Variants in ADAMTS19 observed in about 807,000 individuals in gnomAD.
ADAMTS19 encodes ADAM metallopeptidase with thrombospondin type 1 motif 19.
A neutral mutation model predicts 153.3 loss-of-function variants in ADAMTS19; 93 were observed. That is an observed-to-expected ratio of 0.61 (90% CI 0.51 to 0.72). ADAMTS19 has a LOEUF of 0.72. Among genes scored for constraint, ADAMTS19 ranks in the 30% least tolerant of loss-of-function variants. The probability of loss-of-function intolerance (pLI) is 0.00; values close to 1 mark genes in which losing one functional copy is unlikely to be tolerated. For missense variants in ADAMTS19, 1,482 were observed against 1,552.1 expected (o/e 0.95, Z 0.76); for synonymous variants, 600 against 556.6 (o/e 1.08, Z -1.10).
At chr5:129,607,367 A>C (rs764214000) in intron 8 of ADAMTS19, among the ~76,000 whole-genome samples, 11 of 152,218 alleles carry the variant, frequency 7.2e-5, no homozygotes, top group Non-Finnish European at 1.5e-4. Context: ...ATTCATGTCT[A>C]ATACATTTTT....
intron 6 of ADAMTS19, among the ~76,000 whole-genome samples, chr5:129,539,040 G>A (rs1895172): frequency 0.26 from 39,391 of 151,924 alleles, 6,785 homozygotes; most frequent in African/African-American, 0.49. Context: ...AGTTTTCTCT[G>A]TTTGTTTGCT....
At chr5:129,533,241 T>A (rs1306802927) in intron 6 of ADAMTS19, among the ~76,000 whole-genome samples, 1 of 152,198 alleles carries the variant, frequency 6.6e-6, no homozygotes, top group Non-Finnish European at 1.5e-5. Flanking sequence ...GAAAACTGAC[T>A]GCAAAAAGGC....
chr5:129,714,501 G>A (rs1282840670), intron 21 of ADAMTS19, among the ~76,000 whole-genome samples: 1 of 151,378 alleles, frequency 6.6e-6, no homozygotes, highest in East Asian at 1.9e-4. Context: ...AGTATATAGA[G>A]CGTAATAAAT....
intron 8 of ADAMTS19, among the ~76,000 whole-genome samples, chr5:129,608,865 A>C (rs994838488): frequency 2.1e-4 from 32 of 152,132 alleles, no homozygotes; most frequent in Non-Finnish European, 4.4e-4. Flanking sequence ...AAGAAAAAAA[A>C]AAAGAGAAGA....
rs140588049 is a variant in ADAMTS19, at chr5:129,522,040, A to G, written c.914-4244A>G. 1.2e-3 allele frequency among the ~76,000 whole-genome samples: 180 copies of G among 151,952 alleles called. 2 individuals carry two copies. In the East Asian group the frequency reaches 0.025, roughly 21 times the overall value. On this transcript the variant is annotated intron_variant, in intron 3 of 22. Transcript: ENST00000274487. ...GTGTCTCTTTTTAGTTATTGGATGT[A>G]TCCATATTAATCTCATTCACTTGGC... is the stretch of plus-strand genomic sequence containing the variant.
intron 7 of ADAMTS19, among the ~76,000 whole-genome samples, chr5:129,567,568 C>G (rs1753760505): frequency 6.6e-6 from 1 of 152,052 alleles, no homozygotes; most frequent in African/African-American, 2.4e-5. Flanking sequence ...TAAAATCTCT[C>G]TGGATAAGCT....
intron 5 of ADAMTS19, among the ~76,000 whole-genome samples, chr5:129,528,062 G>C (rs1284600930): frequency 2.6e-5 from 4 of 151,840 alleles, no homozygotes; most frequent in African/African-American, 9.7e-5. Context: ...ACTTTCCAAA[G>C]TATAATTTTA....
At chr5:129,694,912 T>G (rs556598090) in intron 19 of ADAMTS19, 57 bp downstream of exon 19, 1 of 1,398,080 alleles carries the variant, frequency 7.2e-7, no homozygotes, top group South Asian at 1.7e-5. Context: ...TGCTGTCCTT[T>G]AAAACATGCT....
At chr5:129,568,240 A>G (rs1363635594) in intron 7 of ADAMTS19, among the ~76,000 whole-genome samples, 2 of 152,152 alleles carry the variant, frequency 1.3e-5, no homozygotes, top group Non-Finnish European at 2.9e-5. Context: ...AATAAAATAG[A>G]CTACTCTCAA....
intron 19 of ADAMTS19, 84 bp from the exon 20 acceptor site, chr5:129,701,304 C>CAG: frequency 6.7e-7 from 1 of 1,483,368 alleles, no homozygotes; most frequent in Non-Finnish European, 9.3e-7. Context: ...TTGGGTATGT[C>CAG]TTTATTAGCA....
At chr5:129,579,262 A>G (rs1448480761) in intron 7 of ADAMTS19, among the ~76,000 whole-genome samples, 3 of 152,094 alleles carry the variant, frequency 2.0e-5, no homozygotes, top group Non-Finnish European at 4.4e-5. Flanking sequence ...GTCTGTTCAT[A>G]TCCTTAGCCC....
chr5:129,520,763 G>T (rs1225864568), intron 3 of ADAMTS19, among the ~76,000 whole-genome samples: 1 of 152,140 alleles, frequency 6.6e-6, no homozygotes, highest in Non-Finnish European at 1.5e-5. Context: ...TGAGTCTGAA[G>T]TTGTAAAATT....
intron 7 of ADAMTS19, among the ~76,000 whole-genome samples, chr5:129,579,346 T>A (rs532384464): frequency 6.6e-6 from 1 of 152,214 alleles, no homozygotes; most frequent in Non-Finnish European, 1.5e-5. Flanking sequence ...TAGACCTTTG[T>A]CAGATGGATA....
chr5:129,460,366 A>G lies in ADAMTS19; in HGVS notation c.-26A>G, dbSNP rs770691132. The G allele has an allele frequency of 3.6e-5, 58 of 1,593,310 alleles. No homozygotes were observed. Among genetic ancestry groups the G allele is most frequent in the Non-Finnish European group, 4.6e-5 (54 of 1,166,894 alleles). ...TCGCGCTGGAGGCGTGCGCCGGGCGAGAAGCCGCGGCCGCGGGAGCGCAGT... is the reference window on the plus strand; with the variant it reads ...TCGCGCTGGAGGCGTGCGCCGGGCGGGAAGCCGCGGCCGCGGGAGCGCAGT... On this transcript the variant is annotated 5_prime_UTR_variant, in exon 1 of 23. Coordinates refer to ENST00000274487, the MANE Select transcript of ADAMTS19 (RefSeq NM_133638.6).
At chr5:129,651,033 C>T (rs1282977672) in intron 13 of ADAMTS19, among the ~76,000 whole-genome samples, 3 of 152,166 alleles carry the variant, frequency 2.0e-5, no homozygotes, top group East Asian at 1.9e-4. Flanking sequence ...TTGGAACACT[C>T]GTGTGCCCTG....
intron 2 of ADAMTS19, among the ~76,000 whole-genome samples, chr5:129,492,158 A>G (rs1750789809): frequency 6.6e-6 from 1 of 152,210 alleles, no homozygotes; most frequent in Non-Finnish European, 1.5e-5. Flanking sequence ...TGCATCTCAC[A>G]TGGCGAAAGC....
intron 8 of ADAMTS19, among the ~76,000 whole-genome samples, chr5:129,607,218 G>C (rs6886278): frequency 0.58 from 88,570 of 152,026 alleles, 27,254 homozygotes; most frequent in Non-Finnish European, 0.69. Flanking sequence ...CACCCAGCCT[G>C]TTTCCACTTT....
Position 129,461,259 on chromosome 5 carries a change from C to G in ADAMTS19, c.249C>G (p.Ala83=), listed in dbSNP as rs1318869175. The G allele has an allele frequency of 7.1e-6, 9 of 1,263,798 alleles. 1 individual carries two copies. The South Asian group carries it at 2.7e-4, about 37-fold the overall frequency. The allele number at this position is 1,263,798 out of a possible 1,614,324, so 78.3% of individuals were successfully genotyped here. ...GCGGAAGCGCCCGGGCGCAGGCTGC[C>G]GGCAGCTCACGCGAGGTGCGCTCTG... ...GGGGSARAQA[A]GSSREVRSVA... Residue 83 remains alanine, a synonymous_variant, in exon 2 of 23, where the codon GCC becomes GCG. Transcript: ENST00000274487. This position sits in a 1 kb window ranked among gnomAD's most constrained non-coding sequence, Gnocchi z 4.6.
At chr5:129,531,502 G>A (rs1017034673) in intron 6 of ADAMTS19, among the ~76,000 whole-genome samples, 2 of 152,220 alleles carry the variant, frequency 1.3e-5, no homozygotes, top group South Asian at 4.2e-4. Flanking sequence ...GTGCATGCCT[G>A]TAGTCCCAGC....
Sources: gnomAD v4.1 joint callset for allele counts (sites outside exome capture counted in the v4.1 genomes callset) on GRCh38, gnomAD v4.1.1 for gene constraint, Gnocchi (gnomAD v3.1) non-coding constraint, MANE v1.5 for transcripts, NCBI Gene and HGNC (gene_info 2026-07-23, HGNC 2026-07-21) for gene names.